The following KIF26B variants were observed in gnomAD, a reference collection of about 807,000 sequenced individuals.
KIF26B encodes kinesin-like protein KIF26B.
KIF26B carries 63 observed loss-of-function variants against 151.2 expected under a neutral mutation model. The ratio of observed to expected loss-of-function variants is 0.42; its 90% CI spans 0.34 to 0.51. The LOEUF is 0.51. KIF26B is among the 20% of genes least tolerant of loss of function. The probability of loss-of-function intolerance (pLI) is 0.07; values close to 1 mark genes in which losing one functional copy is unlikely to be tolerated. For missense variants in KIF26B, 2,813 were observed against 2,913.6 expected, an observed-to-expected ratio of 0.97 and a Z score of 0.79; for synonymous variants, 1,357 against 1,262.1, an observed-to-expected ratio of 1.08 and a Z score of -1.59.
chr1:245,419,500 C>A, intron 3 of KIF26B, 79 bp from the exon 4 acceptor site: 1 of 1,400,062 alleles, frequency 7.1e-7, no homozygotes, highest in Non-Finnish European at 9.8e-7. Flanking sequence ...CTCCCTCCCC[C>A]AAATAGAGAG....
At chr1:245,401,562 T>C (rs1011439510) in intron 3 of KIF26B, among the ~76,000 whole-genome samples, 2 of 152,154 alleles carry the variant, frequency 1.3e-5, no homozygotes, top group African/African-American at 4.8e-5. Context: ...CAGCTTCCAA[T>C]AGATAAGCAA....
chr1:245,360,607 A>C (rs996176941), intron 2 of KIF26B, among the ~76,000 whole-genome samples: 12 of 152,340 alleles, frequency 7.9e-5, no homozygotes, highest in Admixed American at 2.0e-4. Context: ...GCTCCTGGTC[A>C]CTCAGCTACT....
intron 2 of KIF26B, among the ~76,000 whole-genome samples, chr1:245,311,817 C>T (rs914361845): frequency 6.6e-6 from 1 of 152,080 alleles, no homozygotes; most frequent in Admixed American, 6.6e-5. Context: ...GTAATCTCAG[C>T]TACTCAGGAG....
At chr1:245,669,036 A>G (rs2044251346) in intron 10 of KIF26B, among the ~76,000 whole-genome samples, 1 of 152,220 alleles carries the variant, frequency 6.6e-6, no homozygotes, top group South Asian at 2.1e-4. Flanking sequence ...AGAAGGCATC[A>G]TAATAGAGTT....
intron 3 of KIF26B, among the ~76,000 whole-genome samples, chr1:245,369,824 G>T (rs1250833051): frequency 1.3e-5 from 2 of 152,190 alleles, no homozygotes; most frequent in African/African-American, 4.8e-5. Flanking sequence ...CGTTTTACCT[G>T]CAGGGGCCTC....
chr1:245,637,787 CT>C (rs2043851144), intron 9 of KIF26B, among the ~76,000 whole-genome samples: 1 of 151,950 alleles, frequency 6.6e-6, no homozygotes, highest in Non-Finnish European at 1.5e-5. Context: ...TTATTGGTGC[CT>C]TTGTCAAAAA....
intron 10 of KIF26B, among the ~76,000 whole-genome samples, chr1:245,665,902 C>G (rs953954908): frequency 6.6e-5 from 10 of 151,444 alleles, no homozygotes; most frequent in Admixed American, 4.6e-4. Flanking sequence ...CCAGGCTGGT[C>G]TCAAACTCCT....
chr1:245,687,454 A>T lies in KIF26B; in HGVS notation c.4471A>T (p.Ser1491Cys). The T allele has an allele frequency of 6.3e-7, 1 of 1,587,518 alleles. No individual in the cohort carries two copies. Among genetic ancestry groups the T allele is most frequent in the Non-Finnish European group, 8.6e-7 (1 of 1,167,182 alleles). The change falls in exon 12 of 15, where the codon AGC becomes TGC. Residue 1491 changes from serine (S) to cysteine (C), a missense_variant. Around this residue, in one of 3 missense-constraint regions of KIF26B, gnomAD observed 2,060 missense variants for 2,088.6 expected, o/e 0.99. Coordinates refer to ENST00000407071, the MANE Select transcript of KIF26B (RefSeq NM_018012.4). This position sits in a 1 kb window ranked among gnomAD's most constrained non-coding sequence, Gnocchi z 4.9. ...AAAGCCCAGTCCGGGAGACAGGCTCAGCAGCAGCAGCGGAGAGGTGTCGGC... is the reference window on the plus strand; with the variant it reads ...AAAGCCCAGTCCGGGAGACAGGCTCTGCAGCAGCAGCGGAGAGGTGTCGGC... ...DGKPSPGDRL[S>C]SSSGEVSASP...
Position 245,497,088 on chromosome 1 carries a change from G to A in KIF26B, c.1167-43679G>A, listed in dbSNP as rs532320793. ...GAATTGCTTGAACCCTGGGGGTGGA[G>A]GTTGCTGAGAGCCGAGATTGCACCA... On this transcript the variant is annotated intron_variant, in intron 4 of 14. Transcript: ENST00000407071. Among the ~76,000 whole-genome samples, 4 of 151,644 alleles carry A rather than the reference G, an allele frequency of 2.6e-5. No individual in the cohort carries two copies. In the East Asian group the frequency reaches 5.8e-4, roughly 22 times the overall value.
intron 4 of KIF26B, among the ~76,000 whole-genome samples, chr1:245,431,345 ATT>A (rs796518387): frequency 5.9e-4 from 81 of 136,306 alleles, no homozygotes; most frequent in South Asian, 1.2e-3. Context: ...TGCCCAGCTA[ATT>A]TTTTTTTTTT....
rs1335072236 is a variant in KIF26B, at chr1:245,708,732, T to C, written c.*6126T>C. On this transcript the variant is annotated 3_prime_UTR_variant, in exon 15 of 15. Coordinates refer to ENST00000407071, the MANE Select transcript of KIF26B (RefSeq NM_018012.4). ...ATTACCTAACTCCTCCAGAACTCAG[T>C]TTTCTAACCTATAAAATGAAGACAT... The C allele has an allele frequency of 1.3e-5, 2 of 152,210 alleles. No individual in the cohort carries two copies. Among genetic ancestry groups the C allele is most frequent in the Non-Finnish European group, 2.9e-5 (2 of 68,044 alleles). The allele number at this position is 152,210 out of a possible 1,614,324, so 9.4% of individuals were successfully genotyped here.
chr1:245,587,519 G>A (rs772550345), intron 5 of KIF26B, among the ~76,000 whole-genome samples: 2 of 152,118 alleles, frequency 1.3e-5, no homozygotes, highest in South Asian at 4.2e-4. Context: ...GAGAGCTGCC[G>A]GCCATTGTTC....
intron 2 of KIF26B, among the ~76,000 whole-genome samples, chr1:245,330,937 C>T (rs1445841772): frequency 6.6e-6 from 1 of 151,790 alleles, no homozygotes; most frequent in Non-Finnish European, 1.5e-5. Flanking sequence ...GCGGGAAGTC[C>T]CCGCAGAGAG....
At chr1:245,649,975 A>C (rs1252316944) in intron 10 of KIF26B, among the ~76,000 whole-genome samples, 1 of 152,226 alleles carries the variant, frequency 6.6e-6, no homozygotes, top group Non-Finnish European at 1.5e-5. Flanking sequence ...AAGATGCAGG[A>C]GGCGTGGAGC....
At chr1:245,628,514 A>G (rs1021441647) in intron 9 of KIF26B, among the ~76,000 whole-genome samples, 2 of 152,178 alleles carry the variant, frequency 1.3e-5, no homozygotes, top group Non-Finnish European at 2.9e-5. Flanking sequence ...GACAAAAACC[A>G]CATGATTATC....
At chr1:245,238,242 A>G (rs1167159888) in intron 2 of KIF26B, among the ~76,000 whole-genome samples, 6 of 152,058 alleles carry the variant, frequency 3.9e-5, no homozygotes, top group Non-Finnish European at 7.4e-5. Context: ...AGGCTGAGGC[A>G]CAAGAATCAC....
At chr1:245,539,976 A>T (rs1661575454) in intron 4 of KIF26B, among the ~76,000 whole-genome samples, 1 of 152,094 alleles carries the variant, frequency 6.6e-6, no homozygotes, top group Non-Finnish European at 1.5e-5. Context: ...TTTAAGTGTT[A>T]CAGGACACTT....
chr1:245,400,109 G>GA (rs1421218726), intron 3 of KIF26B, among the ~76,000 whole-genome samples: 1 of 151,920 alleles, frequency 6.6e-6, no homozygotes, highest in Non-Finnish European at 1.5e-5. Context: ...CTTCTTTGAA[G>GA]AAAAAAAATT....
At chr1:245,160,751 C>G (rs980044103) in intron 2 of KIF26B, among the ~76,000 whole-genome samples, 1 of 151,926 alleles carries the variant, frequency 6.6e-6, no homozygotes, top group Non-Finnish European at 1.5e-5. Flanking sequence ...GAAGATTAGC[C>G]AGACATACTG....
Sources: gnomAD v4.1 joint callset for allele counts (sites outside exome capture counted in the v4.1 genomes callset) on GRCh38, gnomAD v4.1.1 for gene constraint, gnomAD v4.1.1 regional missense constraint, Gnocchi (gnomAD v3.1) non-coding constraint, MANE v1.5 for transcripts, NCBI Gene and HGNC (gene_info 2026-07-23, HGNC 2026-07-21) for gene names.